The following DCUN1D1 variants were observed in gnomAD, a reference collection of about 807,000 sequenced individuals.
The protein encoded by DCUN1D1 is defective in cullin neddylation 1 domain containing 1.
DCUN1D1 carries 3 observed loss-of-function variants against 39.0 expected under a neutral mutation model. That is an observed-to-expected ratio of 0.08 (90% CI 0.04 to 0.20). DCUN1D1 has a LOEUF of 0.20. Ranked by LOEUF, DCUN1D1 falls within the 10% of genes least tolerant of loss-of-function variation. The pLI is 1.00. For synonymous variants in DCUN1D1, 82 were observed against 96.3 expected (o/e 0.85, Z 0.87); for missense variants, 158 against 302.4 (o/e 0.52, Z 3.54).
intron 4 of DCUN1D1, among the ~76,000 whole-genome samples, chr3:182,959,525 A>AAAC: frequency 6.6e-6 from 1 of 151,048 alleles, no homozygotes; most frequent in Non-Finnish European, 1.5e-5. Flanking sequence ...AAAAAAAAAA[A>AAAC]ACCTCATTTA....
At chr3:182,947,416 G>A (rs1726470339) in intron 5 of DCUN1D1, 82 bp from the exon 6 acceptor site, 1 of 1,148,518 alleles carries the variant, frequency 8.7e-7, no homozygotes, top group Non-Finnish European at 1.3e-6. Flanking sequence ...TGAAATACAA[G>A]AATGCAAAAC....
In DCUN1D1 at chr3:182,944,949, A is replaced by G. The variant is rs1726318768; in HGVS notation, c.*145T>C. On this transcript the variant is annotated 3_prime_UTR_variant, in exon 7 of 7. Coordinates refer to ENST00000292782, the MANE Select transcript of DCUN1D1 (RefSeq NM_020640.4). ...AGAATGAAATACGATATGGTCCAAG[A>G]TGTATCCTTAAAGTTTTGTCTCAAC... The G allele has an allele frequency of 1.5e-6, 1 of 665,518 alleles. No homozygotes were observed. The highest frequency in any genetic ancestry group is 2.6e-6 in the Non-Finnish European group (1 of 386,786). The allele number at this position is 665,518 out of a possible 1,614,324, so 41.2% of individuals were successfully genotyped here.
At chr3:182,984,181 T>A (rs768987058), upstream of DCUN1D1, among the ~76,000 whole-genome samples, 7 of 152,226 alleles carry the variant, frequency 4.6e-5, no homozygotes, top group Non-Finnish European at 1.0e-4. Context: ...ATGCTTGTTC[T>A]CCTTGGCAGA....
intron 1 of DCUN1D1, among the ~76,000 whole-genome samples, chr3:182,973,007 G>A (rs1331383176): frequency 3.3e-5 from 5 of 151,844 alleles, no homozygotes; most frequent in South Asian, 4.2e-4. Context: ...ACACCATTGC[G>A]CTCCAATCTG....
chr3:182,963,707 A>C (rs543009267), intron 3 of DCUN1D1, among the ~76,000 whole-genome samples, 174 bp downstream of exon 3: 10 of 152,354 alleles, frequency 6.6e-5, no homozygotes, highest in Admixed American at 5.9e-4. Context: ...CTAACTATAT[A>C]AATAACTTGA....
At chr3:182,980,562 C>A, upstream of DCUN1D1, 2 of 1,184,718 alleles carry the variant, frequency 1.7e-6, no homozygotes, top group South Asian at 2.3e-5. Flanking sequence ...GGCGGCGGCT[C>A]CTCTCACGGG....
chr3:182,974,388 G>C (rs1728103361), intron 1 of DCUN1D1, among the ~76,000 whole-genome samples: 1 of 151,212 alleles, frequency 6.6e-6, no homozygotes, highest in South Asian at 2.1e-4. Context: ...CTTCTAACAA[G>C]AAATCCAAGT....
chr3:182,975,563 C>A (rs1728188025), intron 1 of DCUN1D1, among the ~76,000 whole-genome samples: 1 of 151,566 alleles, frequency 6.6e-6, no homozygotes, highest in Non-Finnish European at 1.5e-5. Flanking sequence ...ATGTTTACAT[C>A]AGATCATTTG....
chr3:182,967,501 A>G (rs971220302), intron 1 of DCUN1D1, among the ~76,000 whole-genome samples: 1 of 152,196 alleles, frequency 6.6e-6, no homozygotes, highest in Non-Finnish European at 1.5e-5. Flanking sequence ...TTCTTGCAAT[A>G]TGAAAAATAT....
intron 1 of DCUN1D1, among the ~76,000 whole-genome samples, chr3:182,968,849 C>T (rs1727799223): frequency 2.6e-5 from 4 of 152,212 alleles, no homozygotes; most frequent in Admixed American, 2.6e-4. Context: ...ATCCAACCGC[C>T]TCAGCCTCCC....
At chr3:182,957,256 G>A (rs1038170674) in intron 4 of DCUN1D1, among the ~76,000 whole-genome samples, 3 of 152,240 alleles carry the variant, frequency 2.0e-5, no homozygotes, top group Admixed American at 1.3e-4. Context: ...CATCAGGTAA[G>A]GATGCTACTT....
intron 1 of DCUN1D1, chr3:182,980,262 C>T (rs1397350008): frequency 9.8e-6 from 3 of 304,868 alleles, no homozygotes; most frequent in Admixed American, 6.4e-5. Flanking sequence ...GGCCCGGCTC[C>T]GCTCCGCCTC....
intron 6 of DCUN1D1, among the ~76,000 whole-genome samples, 195 bp downstream of exon 6, chr3:182,947,043 C>A (rs1237374963): frequency 6.6e-6 from 1 of 152,048 alleles, no homozygotes; most frequent in African/African-American, 2.4e-5. Flanking sequence ...TGAAGACTTG[C>A]AATAAGCCAT....
chr3:182,949,692 G>T (rs796442983), intron 4 of DCUN1D1, among the ~76,000 whole-genome samples: 1 of 152,130 alleles, frequency 6.6e-6, no homozygotes, highest in Non-Finnish European at 1.5e-5. Flanking sequence ...CTGCACTCCA[G>T]CCTGGGTGAC....
chr3:182,946,994 T>G (rs1414570646), intron 6 of DCUN1D1, among the ~76,000 whole-genome samples: 1 of 152,058 alleles, frequency 6.6e-6, no homozygotes, highest in African/African-American at 2.4e-5. Context: ...CCTAGCTCCT[T>G]GGGAGGCTGA....
chr3:182,965,515 A>G (rs1727627034), intron 2 of DCUN1D1, 22 bp downstream of exon 2: 2 of 1,541,540 alleles, frequency 1.3e-6, no homozygotes, highest in African/African-American at 1.4e-5. Flanking sequence ...AAATTTACTT[A>G]AAGTCACAAG....
chr3:182,963,968 C>G lies in DCUN1D1; in HGVS notation c.302G>C (p.Ser101Thr), dbSNP rs1727533258. The G allele has an allele frequency of 1.9e-6, 3 of 1,614,054 alleles. No individual in the cohort carries two copies. Among genetic ancestry groups the G allele is most frequent in the Non-Finnish European group, 2.5e-6 (3 of 1,179,918 alleles). Residue 101 changes from serine to threonine, a missense_variant, in exon 3 of 7, where the codon AGT becomes ACT. By Grantham distance (58) the Ser-to-Thr change is moderately conservative. This residue lies in a region of DCUN1D1 where 107 missense variants were observed against 174.7 expected (regional missense o/e 0.61). Coordinates refer to ENST00000292782, the MANE Select transcript of DCUN1D1 (RefSeq NM_020640.4). The part of the protein sequence containing the change: ...DDLALDPASI[S>T]VLIIAWKFRA... ...GAACTTCCACGCAATAATCAACACA[C>G]TAATGCTGGCTGGATCGAGTGCCAG... is the stretch of plus-strand genomic sequence containing the variant.
chr3:182,963,264 CA>C lies in DCUN1D1; in HGVS notation c.389+616del, dbSNP rs1458072356. 2.0e-5 allele frequency among the ~76,000 whole-genome samples: 3 copies of C among 152,296 alleles called. No homozygotes were observed. The East Asian group carries it at 5.8e-4, about 29-fold the overall frequency. ...GAAGAGGTAGGAGAAGTACTTAGCA[CA>C]GTTAACTGAAATAAAATAATGTTCA... is the stretch of plus-strand genomic sequence containing the variant. On this transcript the variant is annotated intron_variant, in intron 3 of 6. Transcript: ENST00000292782.
chr3:182,947,386 C>T (rs1390743843), intron 5 of DCUN1D1, 52 bp from the exon 6 acceptor site: 2 of 1,333,342 alleles, frequency 1.5e-6, no homozygotes, highest in Non-Finnish European at 2.1e-6. Flanking sequence ...AAGAGCTGCA[C>T]AAAAACAGTT....
Sources: gnomAD v4.1 joint callset for allele counts (sites outside exome capture counted in the v4.1 genomes callset) on GRCh38, gnomAD v4.1.1 for gene constraint, gnomAD v4.1.1 regional missense constraint, MANE v1.5 for transcripts, NCBI Gene and HGNC (gene_info 2026-07-23, HGNC 2026-07-21) for gene names.